MCC: variants seen among roughly 807,000 people sequenced by gnomAD.
MCC encodes the protein colorectal mutant cancer protein.
A neutral mutation model predicts 116.2 loss-of-function variants in MCC; 90 were observed. The observed-to-expected ratio is 0.77, with a 90% confidence interval of 0.65 to 0.92. The LOEUF is 0.92. Ranked by LOEUF, MCC falls within the 40% of genes least tolerant of loss-of-function variation. The probability of loss-of-function intolerance (pLI) is 0.00; values close to 1 mark genes in which losing one functional copy is unlikely to be tolerated. For missense variants in MCC, 1,516 were observed against 1,312.2 expected, an observed-to-expected ratio of 1.16 and a Z score of -2.40; for synonymous variants, 578 against 510.5, an observed-to-expected ratio of 1.13 and a Z score of -1.78.
In MCC at chr5:113,053,925, C is replaced by G; in HGVS notation, c.2248G>C (p.Glu750Gln). The stretch of plus-strand genomic sequence containing the variant: ...CTCTGCTCGTCTTCTTTAGTGAACT[C>G]GGTGTCGCAACTACTGGCTGTGGAG... ...TSSTASSCDTEFTKEDEQRLK... is the reference protein window; with the variant it reads ...TSSTASSCDTQFTKEDEQRLK... The change falls in exon 15 of 19, where the codon GAG (glutamate) becomes CAG (glutamine). Residue 750 changes from glutamate (E) to glutamine (Q), a missense_variant. By Grantham distance (29) the Glu-to-Gln change is conservative (BLOSUM62 2). Coordinates refer to ENST00000408903, the MANE Select transcript of MCC (RefSeq NM_001085377.2). 5.0e-6 allele frequency: 8 copies of G among 1,613,682 alleles called. No homozygotes were observed. The highest frequency in any genetic ancestry group is 6.8e-6 in the Non-Finnish European group (8 of 1,179,670).
intron 17 of MCC, among the ~76,000 whole-genome samples, chr5:113,039,201 C>A (rs1751518060): frequency 6.6e-6 from 1 of 152,180 alleles, no homozygotes; most frequent in African/African-American, 2.4e-5. Flanking sequence ...CAGATCCTTA[C>A]TTTAAAAAGA....
chr5:113,087,088 C>G (rs1250787124), intron 8 of MCC, among the ~76,000 whole-genome samples: 1 of 152,240 alleles, frequency 6.6e-6, no homozygotes, highest in Non-Finnish European at 1.5e-5. Flanking sequence ...CGCCAAAAGT[C>G]TTCTAGACAG....
intron 4 of MCC, among the ~76,000 whole-genome samples, chr5:113,146,836 G>T (rs924380303): frequency 6.6e-6 from 1 of 152,080 alleles, no homozygotes; most frequent in Admixed American, 6.5e-5. Context: ...GTCATTACAG[G>T]TAATTGCATC....
chr5:113,091,574 C>T (rs11744828), intron 8 of MCC, among the ~76,000 whole-genome samples: 69,591 of 152,048 alleles, frequency 0.46, 17,497 homozygotes, highest in African/African-American at 0.69. Context: ...CAAAAATAGA[C>T]ACCAAATCTT....
chr5:113,140,974 G>A (rs1759143984), intron 5 of MCC, among the ~76,000 whole-genome samples: 1 of 152,198 alleles, frequency 6.6e-6, no homozygotes, highest in South Asian at 2.1e-4. Context: ...GTTGTTTCTA[G>A]ATGTGTGTGT....
At chr5:113,059,036 A>G (rs950174912) in intron 14 of MCC, among the ~76,000 whole-genome samples, 7 of 152,140 alleles carry the variant, frequency 4.6e-5, no homozygotes, top group African/African-American at 1.4e-4. Flanking sequence ...GCAGGCAGAG[A>G]CTGACAGGCG....
chr5:113,457,997 G>A (rs964904772), intron 1 of MCC, among the ~76,000 whole-genome samples: 5 of 152,230 alleles, frequency 3.3e-5, no homozygotes, highest in Non-Finnish European at 5.9e-5. Context: ...GGGACTTGGA[G>A]AACCTTTGTG....
chr5:113,309,564 A>G (rs1309613013), intron 3 of MCC, among the ~76,000 whole-genome samples: 2 of 151,984 alleles, frequency 1.3e-5, no homozygotes, highest in African/African-American at 2.4e-5. Context: ...CCAATGGCTC[A>G]GTAGTATTCC....
intron 2 of MCC, among the ~76,000 whole-genome samples, chr5:113,380,085 G>A (rs1315502450): frequency 6.6e-6 from 1 of 152,190 alleles, no homozygotes; most frequent in Non-Finnish European, 1.5e-5. Context: ...TCCGAGCTGA[G>A]CATGTAATGT....
intron 16 of MCC, chr5:113,044,373 G>T: frequency 2.1e-6 from 1 of 487,504 alleles, no homozygotes; most frequent in Non-Finnish European, 2.7e-6. Context: ...AAATCCTATA[G>T]TTAAGACTAT....
At chr5:113,112,266 A>G (rs7700271) in intron 6 of MCC, among the ~76,000 whole-genome samples, 72,401 of 151,928 alleles carry the variant, frequency 0.48, 17,687 homozygotes, top group African/African-American at 0.57. Flanking sequence ...TTGTGTCCCT[A>G]CCCAAAAACC....
intron 3 of MCC, among the ~76,000 whole-genome samples, chr5:113,225,827 T>C (rs2150331617): frequency 6.6e-6 from 1 of 152,250 alleles, no homozygotes; most frequent in East Asian, 1.9e-4. Flanking sequence ...ACTTTAGCGA[T>C]GAAAAAACCA....
chr5:113,290,085 A>G (rs1766424502), intron 3 of MCC, among the ~76,000 whole-genome samples: 1 of 152,256 alleles, frequency 6.6e-6, no homozygotes, highest in Admixed American at 6.5e-5. Flanking sequence ...TAGTCACACA[A>G]GATAATCTAG....
chr5:113,078,859 A>G (rs1754647363), intron 11 of MCC, among the ~76,000 whole-genome samples: 1 of 152,230 alleles, frequency 6.6e-6, no homozygotes, highest in Admixed American at 6.5e-5. Context: ...GGAAAAGAGG[A>G]AGTCAAACTG....
At chr5:113,105,213 A>T (rs925423308) in intron 6 of MCC, among the ~76,000 whole-genome samples, 5 of 152,184 alleles carry the variant, frequency 3.3e-5, no homozygotes, top group African/African-American at 7.2e-5. Flanking sequence ...CTTTCAGAGT[A>T]CATTCTTCAC....
intron 3 of MCC, among the ~76,000 whole-genome samples, chr5:113,268,647 T>G (rs1364352146): frequency 6.6e-6 from 1 of 152,156 alleles, no homozygotes; most frequent in African/African-American, 2.4e-5. Context: ...TAGTGACCAT[T>G]AAAGAACATG....
At chr5:113,354,936 A>G (rs1265724036) in intron 2 of MCC, among the ~76,000 whole-genome samples, 1 of 151,938 alleles carries the variant, frequency 6.6e-6, no homozygotes, top group Non-Finnish European at 1.5e-5. Context: ...TTCTGTCTCA[A>G]TATTCTTATT....
chr5:113,409,787 G>C (rs772429230), intron 1 of MCC, among the ~76,000 whole-genome samples: 2 of 152,176 alleles, frequency 1.3e-5, no homozygotes, highest in South Asian at 2.1e-4. Context: ...TTATGCATCA[G>C]ATAGTGAGGA....
intron 15 of MCC, among the ~76,000 whole-genome samples, chr5:113,049,643 C>T (rs548839932): frequency 2.0e-5 from 3 of 152,332 alleles, no homozygotes; most frequent in African/African-American, 7.2e-5. Context: ...GAAACCCATT[C>T]TCTGGTCTGC....
Sources: allele counts gnomAD v4.1 joint callset (sites outside exome capture counted in the v4.1 genomes callset), GRCh38; gene constraint gnomAD v4.1.1; transcripts MANE v1.5; gene names NCBI Gene and HGNC (gene_info 2026-07-23, HGNC 2026-07-21).